Variants in NTRK3 observed in about 807,000 individuals in gnomAD.
The protein encoded by NTRK3 is NT-3 growth factor receptor.
Under a neutral mutation model 91.7 loss-of-function variants are expected in NTRK3, and 24 were observed. The ratio of observed to expected loss-of-function variants is 0.26; its 90% CI spans 0.19 to 0.37. NTRK3 has a LOEUF of 0.37. Among genes scored for constraint, NTRK3 ranks in the 10% least tolerant of loss-of-function variants. NTRK3 has a pLI of 1.00. For missense variants in NTRK3, 880 were observed against 1,068.9 expected, an observed-to-expected ratio of 0.82 and a Z score of 2.46; for synonymous variants, 483 against 404.0, an observed-to-expected ratio of 1.20 and a Z score of -2.34.
chr15:88,197,121 A>AAAAAAAAAAC (rs1567627758), intron 3 of NTRK3, among the ~76,000 whole-genome samples: 2 of 144,750 alleles, frequency 1.4e-5, no homozygotes, highest in African/African-American at 5.4e-5. Context: ...AAAAAAAAAA[A>AAAAAAAAAAC]AAAAAACCTC....
At chr15:88,195,078 T>C (rs1238695775) in intron 3 of NTRK3, among the ~76,000 whole-genome samples, 1 of 152,188 alleles carries the variant, frequency 6.6e-6, no homozygotes, top group Non-Finnish European at 1.5e-5. Flanking sequence ...TCAGTTTTGA[T>C]TGTCACTATT....
At chr15:88,133,932 G>A (rs1486132938) in intron 10 of NTRK3, among the ~76,000 whole-genome samples, 1 of 152,180 alleles carries the variant, frequency 6.6e-6, no homozygotes, top group Non-Finnish European at 1.5e-5. Context: ...TTTACTCTCA[G>A]GGCCTCCAGT....
intron 17 of NTRK3, among the ~76,000 whole-genome samples, chr15:87,882,633 A>T (rs2065314296): frequency 6.6e-6 from 1 of 152,100 alleles, no homozygotes; most frequent in South Asian, 2.1e-4. Flanking sequence ...AGAAGAGTAG[A>T]TATAGAAATA....
chr15:87,912,931 A>ATATATAT lies in NTRK3; in HGVS notation c.2133+16259_2133+16260insATATATA, dbSNP rs1567099538. The stretch of plus-strand genomic sequence containing the variant: ...TTCAACTTTTCAAAAAGTAAAAAAA[A>ATATATAT]ATATATATATATATATATATATATA... On this transcript the variant is annotated intron_variant, in intron 17 of 18. Transcript: ENST00000394480. Among the ~76,000 whole-genome samples, 154 of 36,324 alleles carry ATATATAT rather than the reference A, an allele frequency of 4.2e-3. 2 individuals are homozygous for ATATATAT. Among genetic ancestry groups the ATATATAT allele is most frequent in the South Asian group, 7.1e-3 (6 of 846 alleles). The allele number at this position is 36,324 out of a possible 152,430, so 23.8% of individuals were successfully genotyped here. A position where few individuals can be genotyped will look rare whatever the true frequency, so the allele number is the denominator to read the frequency against.
intron 14 of NTRK3, among the ~76,000 whole-genome samples, chr15:88,028,526 G>A (rs1027987180): frequency 1.3e-5 from 2 of 152,118 alleles, no homozygotes; most frequent in South Asian, 2.1e-4. Flanking sequence ...GAGGTGTGGC[G>A]ATGGGCAGAG....
At chr15:88,065,466 C>T (rs1388618719) in intron 13 of NTRK3, among the ~76,000 whole-genome samples, 4 of 152,116 alleles carry the variant, frequency 2.6e-5, no homozygotes. Context: ...TTGCTTAGGG[C>T]TACCCATTCT....
chr15:88,019,742 A>C (rs1178696598), intron 14 of NTRK3, among the ~76,000 whole-genome samples: 1 of 152,188 alleles, frequency 6.6e-6, no homozygotes, highest in Non-Finnish European at 1.5e-5. Flanking sequence ...AAAATACAGA[A>C]AGGCAGAGGC....
chr15:88,111,629 A>G (rs2051367757), intron 13 of NTRK3, among the ~76,000 whole-genome samples: 1 of 152,138 alleles, frequency 6.6e-6, no homozygotes, highest in African/African-American at 2.4e-5. Context: ...AGGTCTCCTT[A>G]TATTCTGACT....
At chr15:88,182,673 G>C (rs1033581835) in intron 5 of NTRK3, among the ~76,000 whole-genome samples, 7 of 152,152 alleles carry the variant, frequency 4.6e-5, no homozygotes, top group African/African-American at 1.7e-4. Context: ...CAGCAGGTTG[G>C]CACTTCCCCT....
At chr15:87,860,179 C>A (rs1003776165) in exon 19 of NTRK3, 3 of 223,420 alleles carry the variant, frequency 1.3e-5, no homozygotes, top group Non-Finnish European at 2.7e-5. Flanking sequence ...GATGAAGACA[C>A]ATGTTTGCCT....
intron 13 of NTRK3, among the ~76,000 whole-genome samples, chr15:88,108,323 G>A (rs774570458): frequency 3.3e-5 from 5 of 152,200 alleles, no homozygotes; most frequent in Non-Finnish European, 7.3e-5. Context: ...CCTGCCCGGA[G>A]TTCATAGTCT....
rs2069765800 is a variant in NTRK3, at chr15:87,940,849, G to T, written c.1586-96C>A. The T allele has an allele frequency of 1.2e-5, 19 of 1,575,508 alleles. No homozygotes were observed. The South Asian group carries it at 2.1e-4, about 17-fold the overall frequency. Reference sequence around the variant, plus strand: ...ACAGAGGTCTAGCGTGGAGAACTTGGTTCTGAGCCTACAGCAGGCAAAGGC... The same window carrying T: ...ACAGAGGTCTAGCGTGGAGAACTTGTTTCTGAGCCTACAGCAGGCAAAGGC... On this transcript the variant is annotated intron_variant, in intron 14 of 18. Coordinates refer to ENST00000394480, the Ensembl canonical transcript of NTRK3.
At chr15:88,022,620 G>A (rs1381112) in intron 14 of NTRK3, among the ~76,000 whole-genome samples, 139,160 of 152,218 alleles carry the variant, frequency 0.91, 63,806 homozygotes, top group East Asian at 1. Flanking sequence ...GCCACTGAGC[G>A]AAACAGAAAG....
At chr15:87,981,631 C>A (rs1180004630) in intron 14 of NTRK3, among the ~76,000 whole-genome samples, 1 of 152,164 alleles carries the variant, frequency 6.6e-6, no homozygotes, top group Admixed American at 6.5e-5. Context: ...CTCTGTCCTG[C>A]ACTTTTCCTA....
chr15:87,873,932 C>T, exon 19 of NTRK3: 1 of 230,418 alleles, frequency 4.3e-6, no homozygotes. Flanking sequence ...CTATGCAAGG[C>T]TGTCCTGCCA....
At chr15:88,007,311 T>C (rs2076563267) in intron 14 of NTRK3, among the ~76,000 whole-genome samples, 1 of 152,220 alleles carries the variant, frequency 6.6e-6, no homozygotes, top group African/African-American at 2.4e-5. Flanking sequence ...AAAACCCAGT[T>C]GTGCCCAGCA....
At chr15:87,910,952 C>G (rs2067057081) in intron 17 of NTRK3, among the ~76,000 whole-genome samples, 2 of 152,114 alleles carry the variant, frequency 1.3e-5, no homozygotes, top group South Asian at 4.1e-4. Context: ...GTGGTAAGAT[C>G]AGAAGCCCAA....
At chr15:87,937,735 A>C (rs2069430370) in intron 15 of NTRK3, among the ~76,000 whole-genome samples, 1 of 152,216 alleles carries the variant, frequency 6.6e-6, no homozygotes, top group Non-Finnish European at 1.5e-5. Flanking sequence ...GTGAAGAAAT[A>C]CATTTTCTAA....
At chr15:88,256,652 C>G (rs1402007752) in exon 1 of NTRK3, 3 of 406,002 alleles carry the variant, frequency 7.4e-6, no homozygotes, top group African/African-American at 2.1e-5. Flanking sequence ...ACCCGGAGCC[C>G]GAGGAAAGGA....
Sources: allele counts gnomAD v4.1 joint callset (sites outside exome capture counted in the v4.1 genomes callset), GRCh38; gene constraint gnomAD v4.1.1; transcripts MANE v1.5; gene names NCBI Gene and HGNC (gene_info 2026-07-23, HGNC 2026-07-21).